Variants in ACACB observed in about 807,000 individuals in gnomAD.
The protein encoded by ACACB is acetyl-CoA carboxylase 2.
Under a neutral mutation model 278.8 loss-of-function variants are expected in ACACB, and 209 were observed. The ratio of observed to expected loss-of-function variants is 0.75; its 90% CI spans 0.67 to 0.84. ACACB has a LOEUF of 0.84. Among genes scored for constraint, ACACB ranks in the 40% least tolerant of loss-of-function variants. The probability of loss-of-function intolerance (pLI) is 0.00; values close to 1 mark genes in which losing one functional copy is unlikely to be tolerated. For synonymous variants in ACACB, 1,174 were observed against 1,285.6 expected, an observed-to-expected ratio of 0.91 and a Z score of 1.86; for missense variants, 2,850 against 3,269.0, an observed-to-expected ratio of 0.87 and a Z score of 3.13.
chr12:109,265,616 G>A, intron 52 of ACACB, 91 bp downstream of exon 52: 1 of 1,484,056 alleles, frequency 6.7e-7, no homozygotes, highest in Admixed American at 1.9e-5. Flanking sequence ...GCAGCCACTT[G>A]AACCCGCCAC....
intron 13 of ACACB, among the ~76,000 whole-genome samples, chr12:109,188,698 G>T (rs1300838430): frequency 6.6e-6 from 1 of 151,970 alleles, no homozygotes; most frequent in African/African-American, 2.4e-5. Context: ...CAAGATCAAA[G>T]CCTGCCCTTT....
At chr12:109,111,482 G>GCCCCCA in the ACACB span, 47 of 152,294 alleles carry the variant, frequency 3.1e-4, no homozygotes, top group African/African-American at 1.1e-3. Context: ...GGTAGTGGGG[G>GCCCCCA]CTGTCAGGAT....
intron 6 of ACACB, among the ~76,000 whole-genome samples, chr12:109,172,805 C>G (rs1294387577): frequency 1.3e-5 from 2 of 152,180 alleles, no homozygotes; most frequent in African/African-American, 4.8e-5. Flanking sequence ...ACCCAGCAAT[C>G]CTGTTACTGG....
At chr12:109,265,605 T>A (rs2047498377) in intron 52 of ACACB, 80 bp downstream of exon 52, 1 of 1,526,906 alleles carries the variant, frequency 6.5e-7, no homozygotes, top group Non-Finnish European at 8.8e-7. Flanking sequence ...CCGACTCCTA[T>A]GCAGCCACTT....
rs895663088 is a variant in ACACB, at chr12:109,121,944, G to A, written c.-10+5240G>A. On this transcript the variant is annotated intron_variant, in intron 1 of 52. Transcript: ENST00000338432. ...GAATGGCACGTGTCCTACAGAATAA[G>A]ACCACTGAGTATCAGGGTGGGTTTG... 4.6e-5 allele frequency among the ~76,000 whole-genome samples: 7 copies of A among 152,324 alleles called. No individual in the cohort carries two copies. The South Asian group carries it at 8.3e-4, about 18-fold the overall frequency.
chr12:109,167,621 G>GTGTATATATATATATA (rs1555210640), intron 3 of ACACB, among the ~76,000 whole-genome samples: 2 of 77,524 alleles, frequency 2.6e-5, no homozygotes, highest in African/African-American at 1.0e-4. Context: ...ATATGTATGT[G>GTGTATATATATATATA]TATATATATA....
At chr12:109,114,244 G>A (rs1467841900), upstream of ACACB, among the ~76,000 whole-genome samples, 1 of 152,130 alleles carries the variant, frequency 6.6e-6, no homozygotes, top group Non-Finnish European at 1.5e-5. Context: ...TTGGTGAGCG[G>A]AGCAGACCAG....
At chr12:109,122,077 C>T (rs1030386790) in intron 1 of ACACB, among the ~76,000 whole-genome samples, 1 of 152,152 alleles carries the variant, frequency 6.6e-6, no homozygotes, top group Non-Finnish European at 1.5e-5. Context: ...TTCCAGGCAG[C>T]ATGTGCAGAG....
At chr12:109,135,781 G>C (rs2042951383) in intron 1 of ACACB, among the ~76,000 whole-genome samples, 1 of 150,672 alleles carries the variant, frequency 6.6e-6, no homozygotes, top group African/African-American at 2.4e-5. Flanking sequence ...AGTTGTTCCA[G>C]CACCATGTGG....
chr12:109,118,412 CTT>C (rs59488592), intron 1 of ACACB, among the ~76,000 whole-genome samples: 71 of 129,328 alleles, frequency 5.5e-4, no homozygotes, highest in South Asian at 1.7e-3. Flanking sequence ...TGACCTTGTT[CTT>C]TTTTTTTTTT....
At chr12:109,117,275 G>A (rs550618565) in intron 1 of ACACB, among the ~76,000 whole-genome samples, 4 of 149,610 alleles carry the variant, frequency 2.7e-5, no homozygotes, top group South Asian at 2.1e-4. Flanking sequence ...CAGGAGAATC[G>A]CTTGAACCCA....
In ACACB at chr12:109,212,828, C is replaced by T. The variant is rs1057370191; in HGVS notation, c.3250-8C>T. 8 of 1,613,072 alleles carry T rather than the reference C, an allele frequency of 5.0e-6. No individual in the cohort carries two copies. Among genetic ancestry groups the T allele is most frequent in the Non-Finnish European group, 6.8e-6 (8 of 1,179,154 alleles). ...CAGCAGTCAGACCTGTCTTGTTTTC[C>T]CATCCAGATAGCCACCATCCTGGAC... On this transcript the variant is annotated splice_polypyrimidine_tract_variant and splice_region_variant and intron_variant, in intron 21 of 52. Transcript: ENST00000338432.
chr12:109,198,501 C>G (rs1328307750), intron 17 of ACACB, among the ~76,000 whole-genome samples: 1 of 152,128 alleles, frequency 6.6e-6, no homozygotes, highest in South Asian at 2.1e-4. Context: ...AGTTTGAGAC[C>G]AGTCTGGGCA....
chr12:109,252,773 G>A (rs1347609090), intron 42 of ACACB, among the ~76,000 whole-genome samples: 1 of 152,316 alleles, frequency 6.6e-6, no homozygotes, highest in East Asian at 1.9e-4. Flanking sequence ...TGCATCACCA[G>A]TTCTCAAATT....
intron 11 of ACACB, among the ~76,000 whole-genome samples, chr12:109,184,706 A>ATT (rs201836386): frequency 1.8e-4 from 25 of 139,190 alleles, no homozygotes; most frequent in African/African-American, 4.0e-4. Context: ...TGGCATTAAA[A>ATT]TTTTTTTTTT....
intron 22 of ACACB, among the ~76,000 whole-genome samples, chr12:109,213,202 T>C (rs1000818862): frequency 2.6e-5 from 4 of 152,190 alleles, no homozygotes; most frequent in Admixed American, 6.5e-5. Flanking sequence ...TAGCTGGGAT[T>C]ACGGGCATGT....
chr12:109,200,031 CAAA>C (rs796623006), intron 18 of ACACB, among the ~76,000 whole-genome samples: 2 of 61,468 alleles, frequency 3.3e-5, no homozygotes, highest in Non-Finnish European at 7.0e-5. Flanking sequence ...GACTCCGTCT[CAAA>C]AAAAAAAAAA....
chr12:109,135,579 T>C (rs553408034), intron 1 of ACACB, among the ~76,000 whole-genome samples: 1 of 151,912 alleles, frequency 6.6e-6, no homozygotes, highest in African/African-American at 2.4e-5. Context: ...TCAAGAAGCA[T>C]CCAATGCTTG....
intron 2 of ACACB, among the ~76,000 whole-genome samples, chr12:109,146,273 C>G (rs1280098924): frequency 2.0e-5 from 3 of 152,220 alleles, no homozygotes; most frequent in Non-Finnish European, 4.4e-5. Context: ...ATTTGTGGAT[C>G]TGCTTCTGCT....
Sources: gnomAD v4.1 joint callset for allele counts (sites outside exome capture counted in the v4.1 genomes callset) on GRCh38, gnomAD v4.1.1 for gene constraint, MANE v1.5 for transcripts, NCBI Gene and HGNC (gene_info 2026-07-23, HGNC 2026-07-21) for gene names.